Variants in SAMD7 observed in about 807,000 individuals in gnomAD.
SAMD7 encodes sterile alpha motif domain containing 7, also known as sterile alpha motif domain-containing protein 7.
Under a neutral mutation model 36.7 loss-of-function variants are expected in SAMD7, and 34 were observed. The observed-to-expected ratio is 0.93, with a 90% confidence interval of 0.71 to 1.23. The LOEUF (loss-of-function observed/expected upper bound fraction) is 1.23, where lower values mean the gene tolerates loss of function less well. SAMD7 is among the 50% of genes most tolerant of loss of function. The pLI, the probability that SAMD7 is intolerant of heterozygous loss-of-function variation, is 0.00. For synonymous variants in SAMD7, 188 were observed against 189.7 expected, an observed-to-expected ratio of 0.99 and a Z score of 0.07; for missense variants, 570 against 546.6, an observed-to-expected ratio of 1.04 and a Z score of -0.43.
chr3:169,915,985 T>G (rs569541288), intron 2 of SAMD7, among the ~76,000 whole-genome samples: 1 of 152,206 alleles, frequency 6.6e-6, no homozygotes, highest in Non-Finnish European at 1.5e-5. Context: ...GCATAATCCA[T>G]GAAGCCACCA....
chr3:169,927,900 C>T (rs1290669), intron 6 of SAMD7, among the ~76,000 whole-genome samples: 15,577 of 152,156 alleles, frequency 0.1, 1,085 homozygotes, highest in South Asian at 0.14. Flanking sequence ...GAAGTATTAC[C>T]TTTCAGTGTC....
intron 5 of SAMD7, among the ~76,000 whole-genome samples, chr3:169,925,424 A>G (rs1713218075): frequency 6.6e-6 from 1 of 152,108 alleles, no homozygotes; most frequent in Admixed American, 6.5e-5. Flanking sequence ...GGTTAAGGAT[A>G]AAAGCAAGAT....
intron 6 of SAMD7, 78 bp from the exon 7 acceptor site, chr3:169,928,379 G>A: frequency 7.7e-7 from 1 of 1,296,774 alleles, no homozygotes; most frequent in Non-Finnish European, 1.1e-6. Flanking sequence ...ACTCTGGGGT[G>A]ATAGAATATA....
At chr3:169,933,854 G>A (rs926528041) in intron 7 of SAMD7, among the ~76,000 whole-genome samples, 1 of 152,144 alleles carries the variant, frequency 6.6e-6, no homozygotes, top group African/African-American at 2.4e-5. Context: ...GTGAAAGGCG[G>A]GTACAGAGCA....
At chr3:169,921,184 CTATTT>C in intron 3 of SAMD7, 25 bp from the exon 4 acceptor site, 1 of 1,606,010 alleles carries the variant, frequency 6.2e-7, no homozygotes. Flanking sequence ...CTCATTTTAC[CTATTT>C]TATTTTATAT....
At position 169,927,068 on chromosome 3, in the gene SAMD7, C is replaced by T. The variant is rs1432211990; in HGVS notation, c.806C>T (p.Thr269Ile). ...HRKPWGSHTT[T>I]LKAKAWDDGK... ...AAACCCTGGGGGTCTCACACCACTA[C>T]CCTGAAAGCAAAGGCCTGGGACGAT... Residue 269 changes from threonine (T) to isoleucine (I), a missense_variant, in exon 6 of 9, where the codon ACC becomes ATC. Thr to Ile is a moderately conservative substitution (Grantham distance 89). Transcript: ENST00000335556. 1.2e-6 allele frequency: 2 copies of T among 1,611,030 alleles called. No homozygotes were observed. The highest frequency in any genetic ancestry group is 1.7e-5 in the Admixed American group (1 of 59,030).
At position 169,927,503 on chromosome 3, in the gene SAMD7, G is replaced by T. The variant is rs1275832799; in HGVS notation, c.919+322G>T. Among the ~76,000 whole-genome samples, 3 of 151,896 alleles carry T rather than the reference G, an allele frequency of 2.0e-5. No individual in the cohort carries two copies. The East Asian group carries it at 5.8e-4, about 29-fold the overall frequency. Reference sequence around the variant, plus strand: ...TTAGAGCCGGGGTTTCACCATGTTGGCCAGGATGGTCTCAATCTCCTGACC... The same window carrying T: ...TTAGAGCCGGGGTTTCACCATGTTGTCCAGGATGGTCTCAATCTCCTGACC... On this transcript the variant is annotated intron_variant, in intron 6 of 8. Transcript: ENST00000335556.
chr3:169,938,156 A>C (rs997540011), intron 8 of SAMD7, among the ~76,000 whole-genome samples, 162 bp from the exon 9 acceptor site: 3 of 152,212 alleles, frequency 2.0e-5, no homozygotes, highest in African/African-American at 7.2e-5. Flanking sequence ...TTCTGAGAGA[A>C]AGAAAAAGCC....
At chr3:169,928,073 A>G (rs1299317697) in intron 6 of SAMD7, among the ~76,000 whole-genome samples, 1 of 152,234 alleles carries the variant, frequency 6.6e-6, no homozygotes, top group Non-Finnish European at 1.5e-5. Context: ...CTGTTTCCCT[A>G]CAAAGTGTTA....
At chr3:169,936,492 A>G (rs1713722901) in intron 8 of SAMD7, 43 bp downstream of exon 8, 1 of 1,000,574 alleles carries the variant, frequency 1.0e-6, no homozygotes, top group Non-Finnish European at 1.6e-6. Context: ...AATGGCACAA[A>G]GCTTAATACA....
intron 1 of SAMD7, among the ~76,000 whole-genome samples, chr3:169,914,155 A>C (rs1327814277): frequency 6.6e-6 from 1 of 152,016 alleles, no homozygotes. Flanking sequence ...GCAAATGTAC[A>C]CTCTGATGCA....
chr3:169,916,657 C>CA (rs1712815395), intron 2 of SAMD7, among the ~76,000 whole-genome samples: 1 of 151,960 alleles, frequency 6.6e-6, no homozygotes, highest in African/African-American at 2.4e-5. Flanking sequence ...CAAAACAAAA[C>CA]AAAAAACAAA....
chr3:169,926,921 A>G lies in SAMD7; in HGVS notation c.659A>G (p.Glu220Gly). The change falls in exon 6 of 9, where the codon GAG (glutamate) becomes GGG (glycine). Residue 220 changes from glutamate to glycine, a missense_variant. Physicochemically the swap from Glu to Gly is moderately conservative, Grantham distance 98. Transcript: ENST00000335556. ...CAGACTCATGCAGTTCCCTATGAAG[A>G]GGATCATTATGCAAAAGACCCAGAC... ...LGQTHAVPYE[E>G]DHYAKDPDIE... 1 of 1,613,932 alleles carries G rather than the reference A, an allele frequency of 6.2e-7. No individual in the cohort carries two copies. Among genetic ancestry groups the G allele is most frequent in the Non-Finnish European group, 8.5e-7 (1 of 1,179,968 alleles).
chr3:169,916,572 C>T (rs144559959), intron 2 of SAMD7, among the ~76,000 whole-genome samples: 2 of 152,226 alleles, frequency 1.3e-5, no homozygotes, highest in South Asian at 2.1e-4. Context: ...TGCTTGAACC[C>T]GGGCGACAGA....
At chr3:169,926,126 T>G in intron 5 of SAMD7, 2 of 510,876 alleles carry the variant, frequency 3.9e-6, no homozygotes, top group Non-Finnish European at 6.8e-6. Context: ...TCCTCTGCTC[T>G]TCCCCAGCCA....
chr3:169,934,935 G>A (rs2108266343), intron 7 of SAMD7, among the ~76,000 whole-genome samples: 1 of 152,336 alleles, frequency 6.6e-6, no homozygotes, highest in South Asian at 2.1e-4. Context: ...CAGAAAGGAA[G>A]AGCAAGCACT....
chr3:169,935,164 A>G (rs969257138), intron 7 of SAMD7, among the ~76,000 whole-genome samples: 2 of 152,222 alleles, frequency 1.3e-5, no homozygotes, highest in African/African-American at 4.8e-5. Flanking sequence ...CTTTGGAGAA[A>G]TCTAGCTGTG....
intron 4 of SAMD7, 104 bp from the exon 5 acceptor site, chr3:169,924,954 T>G: frequency 1.3e-6 from 1 of 759,056 alleles, no homozygotes; most frequent in Admixed American, 3.2e-5. Flanking sequence ...GGTTTGTTTT[T>G]TTTTTTTCAG....
At chr3:169,934,916 G>A (rs1334323539) in intron 7 of SAMD7, among the ~76,000 whole-genome samples, 2 of 152,232 alleles carry the variant, frequency 1.3e-5, no homozygotes, top group East Asian at 1.9e-4. Flanking sequence ...GGAGGGAGCA[G>A]CCTCATGACA....
Sources: allele counts gnomAD v4.1 joint callset (sites outside exome capture counted in the v4.1 genomes callset), GRCh38; gene constraint gnomAD v4.1.1; transcripts MANE v1.5; gene names NCBI Gene and HGNC (gene_info 2026-07-23, HGNC 2026-07-21).